Variants in TRAPPC9 observed in about 807,000 individuals in gnomAD.
TRAPPC9 encodes trafficking protein particle complex subunit 9.
A neutral mutation model predicts 124.0 loss-of-function variants in TRAPPC9; 83 were observed. The ratio of observed to expected loss-of-function variants is 0.67; its 90% CI spans 0.56 to 0.80. The LOEUF is 0.80. TRAPPC9 is among the 30% of genes least tolerant of loss of function. The pLI is 0.00. For synonymous variants in TRAPPC9, 638 were observed against 617.5 expected (o/e 1.03, Z -0.49); for missense variants, 1,302 against 1,508.3 (o/e 0.86, Z 2.27).
chr8:140,286,107 G>T (rs2065476746), intron 13 of TRAPPC9, among the ~76,000 whole-genome samples: 1 of 152,248 alleles, frequency 6.6e-6, no homozygotes, highest in African/African-American at 2.4e-5. Context: ...GGCTCCCGGA[G>T]GAAGGAAAGC....
intron 17 of TRAPPC9, among the ~76,000 whole-genome samples, chr8:140,076,688 G>A (rs1256755326): frequency 5.3e-5 from 8 of 152,188 alleles, no homozygotes; most frequent in African/African-American, 1.9e-4. Context: ...GGCACCCCAA[G>A]GCTGGCCTTG....
In TRAPPC9 at chr8:139,844,960, GC is replaced by G. The variant is rs371335459; in HGVS notation, c.3055+40918del. On this transcript the variant is annotated intron_variant, in intron 21 of 22. Coordinates refer to ENST00000438773, the MANE Select transcript of TRAPPC9 (RefSeq NM_001160372.4). ...CCCAGGCCTGGCACATCCCGTGTCA[GC>G]AGCTTGGTGTCCCACTGGGCCATCA... 3.2e-4 allele frequency among the ~76,000 whole-genome samples: 48 copies of G among 152,254 alleles called. No homozygotes were observed. In the East Asian group the frequency reaches 3.9e-3, roughly 12 times the overall value.
intron 17 of TRAPPC9, among the ~76,000 whole-genome samples, chr8:140,086,501 G>A (rs537885339): frequency 6.6e-6 from 1 of 152,276 alleles, no homozygotes; most frequent in African/African-American, 2.4e-5. Flanking sequence ...GTGCCCTGGT[G>A]CCCAGCTCCT....
Position 139,729,708 on chromosome 8 carries a change from G to A in TRAPPC9, c.*1353C>T, listed in dbSNP as rs1817711075. 6.6e-6 allele frequency among the ~76,000 whole-genome samples: 1 copy of A among 151,246 alleles called. No homozygotes were observed. Among genetic ancestry groups the A allele is most frequent in the Non-Finnish European group, 1.5e-5 (1 of 67,966 alleles). Reference sequence around the variant, plus strand: ...GGGAGGTTTGGGCCTGGGACTTCAGGTCCTCAGGAAGTTCCCTCAGCCCCG... The same window carrying A: ...GGGAGGTTTGGGCCTGGGACTTCAGATCCTCAGGAAGTTCCCTCAGCCCCG... On this transcript the variant is annotated 3_prime_UTR_variant, in exon 23 of 23. Transcript: ENST00000438773.
Position 140,341,772 on chromosome 8 carries a change from G to C in TRAPPC9, c.1495+18278C>G, listed in dbSNP as rs146363677. Among the ~76,000 whole-genome samples, 787 of 152,302 alleles carry C rather than the reference G, an allele frequency of 5.2e-3. 7 individuals carry two copies. The highest frequency in any genetic ancestry group is 0.018 in the African/African-American group (743 of 41,564). ...GGAGGGAAGCACGGAGCACGGGAAG[G>C]GGGGCTAGTGCTCCATTCTGGGTAG... On this transcript the variant is annotated intron_variant, in intron 9 of 22. Transcript: ENST00000438773.
At chr8:140,073,479 T>G (rs546189477) in intron 17 of TRAPPC9, among the ~76,000 whole-genome samples, 1 of 152,312 alleles carries the variant, frequency 6.6e-6, no homozygotes, top group African/African-American at 2.4e-5. Flanking sequence ...GCCTATTATG[T>G]GACACTCTAA....
At chr8:139,804,875 G>A (rs1823931751) in intron 21 of TRAPPC9, among the ~76,000 whole-genome samples, 1 of 152,134 alleles carries the variant, frequency 6.6e-6, no homozygotes, top group Non-Finnish European at 1.5e-5. Flanking sequence ...AATCCCATGA[G>A]GACCCCTGTA....
intron 21 of TRAPPC9, among the ~76,000 whole-genome samples, chr8:139,785,710 C>T (rs553876721): frequency 6.6e-6 from 1 of 150,454 alleles, no homozygotes. Context: ...GCCTGGGCAA[C>T]AGAGCAAGAC....
At chr8:140,263,244 CG>C (rs1185473371) in intron 15 of TRAPPC9, among the ~76,000 whole-genome samples, 1 of 152,156 alleles carries the variant, frequency 6.6e-6, no homozygotes, top group Non-Finnish European at 1.5e-5. Context: ...CTGCTGCCCC[CG>C]CCCTGCCCAC....
intron 17 of TRAPPC9, among the ~76,000 whole-genome samples, chr8:140,127,750 T>C (rs1465601251): frequency 6.6e-6 from 1 of 152,212 alleles, no homozygotes; most frequent in Non-Finnish European, 1.5e-5. Context: ...AGCTACCATA[T>C]CCAAAAGCAT....
chr8:139,782,906 C>A (rs1821932866), intron 21 of TRAPPC9, among the ~76,000 whole-genome samples: 1 of 152,070 alleles, frequency 6.6e-6, no homozygotes, highest in Non-Finnish European at 1.5e-5. Context: ...ATGGAAAATT[C>A]CCAAATCTTT....
intron 17 of TRAPPC9, among the ~76,000 whole-genome samples, chr8:140,158,481 G>T (rs958213716): frequency 2.6e-5 from 4 of 152,340 alleles, no homozygotes; most frequent in Admixed American, 2.0e-4. Context: ...CCCCAAGAGT[G>T]CTGGGAGTGA....
At chr8:139,951,805 C>T (rs1405737506) in intron 19 of TRAPPC9, among the ~76,000 whole-genome samples, 1 of 152,206 alleles carries the variant, frequency 6.6e-6, no homozygotes, top group Non-Finnish European at 1.5e-5. Flanking sequence ...ATAGTGATTA[C>T]TTAGTTGTTT....
chr8:139,806,909 T>C (rs556225150), intron 21 of TRAPPC9, among the ~76,000 whole-genome samples: 8 of 151,828 alleles, frequency 5.3e-5, no homozygotes, highest in African/African-American at 1.9e-4. Context: ...TTAAGGAGAG[T>C]TGTCTTTCAG....
intron 17 of TRAPPC9, among the ~76,000 whole-genome samples, chr8:140,048,484 G>C (rs147687607): frequency 3.3e-5 from 5 of 152,254 alleles, no homozygotes; most frequent in African/African-American, 1.2e-4. Flanking sequence ...CCAGGATCAT[G>C]AGAGCGAGTT....
intron 21 of TRAPPC9, among the ~76,000 whole-genome samples, chr8:139,862,449 T>C (rs890825109): frequency 6.6e-6 from 1 of 152,232 alleles, no homozygotes; most frequent in Non-Finnish European, 1.5e-5. Context: ...GGGGAGAGGA[T>C]GTCAGCAAGA....
chr8:139,796,145 A>G (rs1428025752), intron 21 of TRAPPC9, among the ~76,000 whole-genome samples: 1 of 141,768 alleles, frequency 7.1e-6, no homozygotes, highest in African/African-American at 2.6e-5. Context: ...AGGAGGAGGA[A>G]GAGGAGGAGG....
Position 140,283,872 on chromosome 8 carries a change from A to G in TRAPPC9, c.2114+17T>C. 3.1e-6 allele frequency: 5 copies of G among 1,613,136 alleles called. No homozygotes were observed. Among genetic ancestry groups the G allele is most frequent in the Non-Finnish European group, 4.2e-6 (5 of 1,179,872 alleles). ...TGCCTCAGAGCCACTCTGCTCTGTG[A>G]CCCTCGTGCACACTACCTGGGCAGA... On this transcript the variant is annotated intron_variant, in intron 14 of 22. Coordinates refer to ENST00000438773, the MANE Select transcript of TRAPPC9 (RefSeq NM_001160372.4).
chr8:140,256,605 G>A (rs1052895745), intron 15 of TRAPPC9, among the ~76,000 whole-genome samples: 5 of 152,080 alleles, frequency 3.3e-5, no homozygotes, highest in Non-Finnish European at 7.4e-5. Context: ...CCCACAAGAC[G>A]CTGGAGTTCC....
Sources: allele counts gnomAD v4.1 joint callset (sites outside exome capture counted in the v4.1 genomes callset), GRCh38; gene constraint gnomAD v4.1.1; transcripts MANE v1.5; gene names NCBI Gene and HGNC (gene_info 2026-07-23, HGNC 2026-07-21).